SCN8A: variants seen among roughly 807,000 people sequenced by gnomAD.
SCN8A encodes the protein sodium voltage-gated channel alpha subunit 8.
A neutral mutation model predicts 184.1 loss-of-function variants in SCN8A; 30 were observed. The observed-to-expected ratio is 0.16, with a 90% confidence interval of 0.12 to 0.22. The LOEUF is 0.22. Among genes scored for constraint, SCN8A ranks in the 10% least tolerant of loss-of-function variants. The pLI, the probability that SCN8A is intolerant of heterozygous loss-of-function variation, is 1.00. For synonymous variants in SCN8A, 852 were observed against 907.0 expected (o/e 0.94, Z 1.09); for missense variants, 1,057 against 2,498.9 (o/e 0.42, Z 12.30).
intron 1 of SCN8A, among the ~76,000 whole-genome samples, chr12:51,625,428 G>A (rs767769483): frequency 2.0e-5 from 3 of 152,158 alleles, no homozygotes; most frequent in African/African-American, 4.8e-5. Context: ...GTCAAAAGAC[G>A]TTGTTGCTTC....
intron 12 of SCN8A, among the ~76,000 whole-genome samples, chr12:51,728,487 G>T (rs146725931): frequency 6.6e-6 from 1 of 151,958 alleles, no homozygotes; most frequent in Admixed American, 6.6e-5. Flanking sequence ...TAATCCCAAC[G>T]CTTTGGGAGG....
chr12:51,691,533 T>C (rs867408170), intron 6 of SCN8A, among the ~76,000 whole-genome samples: 3 of 152,094 alleles, frequency 2.0e-5, no homozygotes, highest in Admixed American at 6.6e-5. Flanking sequence ...GCAGCACTTA[T>C]GATTATAAAG....
chr12:51,771,623 G>A (rs1483059587), intron 19 of SCN8A, among the ~76,000 whole-genome samples: 2 of 152,142 alleles, frequency 1.3e-5, no homozygotes, highest in Admixed American at 6.5e-5. Flanking sequence ...GGAAGTAAGG[G>A]GAAGGTTTAC....
chr12:51,704,436 G>A (rs1941743691), intron 9 of SCN8A, among the ~76,000 whole-genome samples: 1 of 151,848 alleles, frequency 6.6e-6, no homozygotes, highest in South Asian at 2.1e-4. Context: ...TTGGGAGGCC[G>A]AGGCAGGTGG....
chr12:51,712,918 A>G (rs1941904424), intron 11 of SCN8A: 2 of 1,588,170 alleles, frequency 1.3e-6, no homozygotes, highest in African/African-American at 1.3e-5. Flanking sequence ...ACCACCTCCA[A>G]AGCTTCCTCC....
intron 17 of SCN8A, among the ~76,000 whole-genome samples, 196 bp downstream of exon 17, chr12:51,769,531 C>T (rs779940623): frequency 2.0e-5 from 3 of 152,142 alleles, no homozygotes; most frequent in African/African-American, 4.8e-5. Context: ...TGATCCTGGA[C>T]CCACCTGTGT....
intron 1 of SCN8A, among the ~76,000 whole-genome samples, chr12:51,605,886 A>G (rs1285460817): frequency 6.6e-6 from 1 of 151,984 alleles, no homozygotes; most frequent in East Asian, 1.9e-4. Flanking sequence ...GGCCATTTGT[A>G]TATCTTCTTT....
intron 2 of SCN8A, among the ~76,000 whole-genome samples, chr12:51,679,099 A>AAAT (rs1218135060): frequency 3.8e-4 from 57 of 151,032 alleles, no homozygotes; most frequent in East Asian, 7.8e-4. Flanking sequence ...AAAATAAAAA[A>AAAT]AAATAAAGCT....
intron 6 of SCN8A, among the ~76,000 whole-genome samples, chr12:51,697,666 G>A (rs548150558): frequency 5.7e-4 from 87 of 152,292 alleles, no homozygotes; most frequent in African/African-American, 1.8e-3. Flanking sequence ...TATGTGCCAG[G>A]AACTTTACTA....
rs542507837 is a variant in SCN8A at position 51,765,143 on chromosome 12, C to T, written c.2545-528C>T. On this transcript the variant is annotated intron_variant, in intron 15 of 26. Coordinates refer to ENST00000627620, the MANE Select transcript of SCN8A (RefSeq NM_001330260.2). ...CCCCTGTTTGAGAGTTGTGCTTTTCCTCCAAGTTATTCCAAGCATATCACA... is the reference window on the plus strand; with the variant it reads ...CCCCTGTTTGAGAGTTGTGCTTTTCTTCCAAGTTATTCCAAGCATATCACA... Among the ~76,000 whole-genome samples the T allele has an allele frequency of 7.2e-5, 11 of 152,140 alleles. No homozygotes were observed. In the East Asian group the frequency reaches 1.9e-3, roughly 27 times the overall value.
chr12:51,778,558 A>G (rs1255170258), intron 20 of SCN8A, among the ~76,000 whole-genome samples: 1 of 152,210 alleles, frequency 6.6e-6, no homozygotes, highest in Non-Finnish European at 1.5e-5. Context: ...ACACCTGGCC[A>G]TACCTGTTTT....
rs566855366 is a variant in SCN8A at position 51,769,636 on chromosome 12, G to A, written c.3373-232G>A. 1.6e-4 allele frequency among the ~76,000 whole-genome samples: 24 copies of A among 152,268 alleles called. 1 individual carries two copies. The highest frequency in any genetic ancestry group is 8.3e-4 in the South Asian group (4 of 4,826). On this transcript the variant is annotated intron_variant, in intron 17 of 26. Coordinates refer to ENST00000627620, the MANE Select transcript of SCN8A (RefSeq NM_001330260.2). ...ATAGCCCTGAAACCAACCTATAGCCGCATTTAGCTTTGGGTGGGTCATTGC... is the reference window on the plus strand; with the variant it reads ...ATAGCCCTGAAACCAACCTATAGCCACATTTAGCTTTGGGTGGGTCATTGC...
intron 2 of SCN8A, among the ~76,000 whole-genome samples, chr12:51,675,683 C>T (rs10506302): frequency 0.058 from 8,873 of 152,130 alleles, 378 homozygotes; most frequent in East Asian, 0.13. Context: ...GTTTGTGAAA[C>T]GAATAGTTAG....
chr12:51,621,504 A>C (rs1939961747), intron 1 of SCN8A, among the ~76,000 whole-genome samples: 1 of 152,216 alleles, frequency 6.6e-6, no homozygotes. Flanking sequence ...ATCAGATGTT[A>C]CCCATTAGTT....
At chr12:51,777,511 C>T (rs921482112) in intron 20 of SCN8A, among the ~76,000 whole-genome samples, 5 of 152,096 alleles carry the variant, frequency 3.3e-5, no homozygotes, top group Admixed American at 3.3e-4. Context: ...TTAAAGAATA[C>T]TTTAAGCAAT....
intron 2 of SCN8A, among the ~76,000 whole-genome samples, chr12:51,680,873 A>G (rs1941318947): frequency 6.6e-6 from 1 of 152,020 alleles, no homozygotes; most frequent in African/African-American, 2.4e-5. Context: ...GCGTGGTGGC[A>G]GGTGCCTGTA....
intron 14 of SCN8A, among the ~76,000 whole-genome samples, chr12:51,755,641 A>G (rs1240870040): frequency 6.6e-6 from 1 of 152,158 alleles, no homozygotes. Flanking sequence ...AAAAAAAGGA[A>G]GAGGTGGAGA....
At chr12:51,786,868 T>C in intron 22 of SCN8A, 42 bp downstream of exon 22, 2 of 1,563,042 alleles carry the variant, frequency 1.3e-6, no homozygotes, top group Non-Finnish European at 1.7e-6. Context: ...TTCTGTGAAA[T>C]TCAGGCAGCT....
intron 2 of SCN8A, among the ~76,000 whole-genome samples, chr12:51,677,359 A>T (rs951987292): frequency 1.3e-5 from 2 of 151,974 alleles, no homozygotes; most frequent in African/African-American, 2.4e-5. Flanking sequence ...GAGTGCTGGG[A>T]TTACAGGATT....
Sources: allele counts gnomAD v4.1 joint callset (sites outside exome capture counted in the v4.1 genomes callset), GRCh38; gene constraint gnomAD v4.1.1; transcripts MANE v1.5; gene names NCBI Gene and HGNC (gene_info 2026-07-23, HGNC 2026-07-21).